The following CPT1A variants were observed in gnomAD, a reference collection of about 807,000 sequenced individuals.
CPT1A encodes the protein carnitine palmitoyltransferase 1A.
Under a neutral mutation model 100.8 loss-of-function variants are expected in CPT1A, and 64 were observed. The ratio of observed to expected loss-of-function variants is 0.63; its 90% CI spans 0.52 to 0.78. The LOEUF (loss-of-function observed/expected upper bound fraction) is 0.78, where lower values mean the gene tolerates loss of function less well. CPT1A is among the 30% of genes least tolerant of loss of function. The pLI, the probability that CPT1A is intolerant of heterozygous loss-of-function variation, is 0.00. For synonymous variants in CPT1A, 363 were observed against 396.0 expected, an observed-to-expected ratio of 0.92 and a Z score of 0.99; for missense variants, 802 against 1,034.1, an observed-to-expected ratio of 0.78 and a Z score of 3.08.
chr11:68,819,557 A>G (rs1307030932), intron 1 of CPT1A, among the ~76,000 whole-genome samples: 1 of 152,230 alleles, frequency 6.6e-6, no homozygotes, highest in East Asian at 1.9e-4. Context: ...GGCATTATTC[A>G]TGGCAGTGGA....
intron 3 of CPT1A, 120 bp downstream of exon 3, chr11:68,812,317 A>G: frequency 3.6e-6 from 5 of 1,383,588 alleles, no homozygotes; most frequent in Non-Finnish European, 5.1e-6. Context: ...ACGTGAGAAC[A>G]GCATCAGGAG....
In CPT1A at chr11:68,781,925, C is replaced by T; in HGVS notation, c.1198G>A (p.Gly400Arg). Reference sequence around the variant, plus strand: ...AGAGACTGCTTATTTTTCCCACGTCCAAAATAGGCCTGACGACACCTGGCC... The same window carrying T: ...AGAGACTGCTTATTTTTCCCACGTCTAAAATAGGCCTGACGACACCTGGCC... ...PWARCRQAYFGRGKNKQSLDA... is the reference protein window; with the variant it reads ...PWARCRQAYFRRGKNKQSLDA... The change falls in exon 11 of 19, where the codon GGA becomes AGA. Residue 400 changes from glycine to arginine, a missense_variant. Physicochemically the swap from Gly to Arg is moderately radical, Grantham distance 125. Transcript: ENST00000265641. The T allele has an allele frequency of 6.2e-7, 1 of 1,614,184 alleles. No homozygotes were observed. Among genetic ancestry groups the T allele is most frequent in the Non-Finnish European group, 8.5e-7 (1 of 1,180,026 alleles).
chr11:68,817,060 G>T (rs1175524841), intron 1 of CPT1A, among the ~76,000 whole-genome samples: 16 of 85,638 alleles, frequency 1.9e-4, no homozygotes, highest in Non-Finnish European at 3.3e-4. Flanking sequence ...TGTGTGGGGG[G>T]TGGGTGTGTG....
At chr11:68,829,903 C>T (rs941408070) in intron 1 of CPT1A, among the ~76,000 whole-genome samples, 26 of 152,178 alleles carry the variant, frequency 1.7e-4, no homozygotes, top group African/African-American at 4.8e-4. Flanking sequence ...ACTGAAAGTA[C>T]AGAAATCACT....
At chr11:68,775,700 C>T (rs896827545) in intron 12 of CPT1A, among the ~76,000 whole-genome samples, 26 of 152,320 alleles carry the variant, frequency 1.7e-4, no homozygotes, top group Admixed American at 4.6e-4. Flanking sequence ...ATTTATTCAA[C>T]GGTGTTTATT....
intron 1 of CPT1A, among the ~76,000 whole-genome samples, chr11:68,825,096 C>A (rs1327478309): frequency 1.3e-5 from 2 of 152,058 alleles, no homozygotes; most frequent in Admixed American, 6.6e-5. Context: ...CTAATTTTAT[C>A]TTTTATCATA....
intron 5 of CPT1A, among the ~76,000 whole-genome samples, chr11:68,800,588 C>CA (rs1855881306): frequency 6.6e-6 from 1 of 151,990 alleles, no homozygotes; most frequent in Non-Finnish European, 1.5e-5. Flanking sequence ...ATCACTTGGG[C>CA]CCAGGAGTTC....
At chr11:68,838,857 G>A (rs960910225) in intron 1 of CPT1A, among the ~76,000 whole-genome samples, 3 of 152,134 alleles carry the variant, frequency 2.0e-5, no homozygotes, top group African/African-American at 7.2e-5. Context: ...CGTGAGCCAC[G>A]GGGCCGGGCC....
At chr11:68,802,664 G>C (rs889589123) in intron 5 of CPT1A, among the ~76,000 whole-genome samples, 1 of 151,952 alleles carries the variant, frequency 6.6e-6, no homozygotes, top group African/African-American at 2.4e-5. Context: ...AACCCAGGAG[G>C]TGGAGCTTGC....
At chr11:68,768,799 T>C (rs776174637) in intron 14 of CPT1A, among the ~76,000 whole-genome samples, 2 of 152,208 alleles carry the variant, frequency 1.3e-5, no homozygotes, top group East Asian at 1.9e-4. Context: ...AAAGTTATTC[T>C]TCCCCGATGC....
intron 1 of CPT1A, among the ~76,000 whole-genome samples, chr11:68,837,865 A>G (rs1594383059): frequency 1.3e-5 from 2 of 152,274 alleles, no homozygotes; most frequent in South Asian, 4.1e-4. Flanking sequence ...ATGTTCTGTC[A>G]TTCCTTCAAC....
intron 14 of CPT1A, among the ~76,000 whole-genome samples, chr11:68,770,236 G>A (rs1854949729): frequency 6.6e-6 from 1 of 152,052 alleles, no homozygotes; most frequent in Admixed American, 6.6e-5. Context: ...TGGAAGGTGG[G>A]GCCCCAGATT....
chr11:68,839,351 GC>G (rs1015168318), intron 1 of CPT1A, among the ~76,000 whole-genome samples: 1 of 152,154 alleles, frequency 6.6e-6, no homozygotes, highest in African/African-American at 2.4e-5. Context: ...TTCGCGCCCC[GC>G]CCCTTCCCCC....
At chr11:68,793,290 G>A in intron 9 of CPT1A, 25 bp downstream of exon 9, 13 of 1,569,788 alleles carry the variant, frequency 8.3e-6, no homozygotes, top group South Asian at 1.1e-5. Flanking sequence ...GATTCTCCAG[G>A]GGGCCCTGAA....
intron 1 of CPT1A, among the ~76,000 whole-genome samples, chr11:68,828,926 A>T (rs1264362276): frequency 6.6e-6 from 1 of 152,056 alleles, no homozygotes; most frequent in Non-Finnish European, 1.5e-5. Context: ...CTTCTGAACT[A>T]GTAGGTGGCT....
rs189323327 is a variant in CPT1A at position 68,766,979 on chromosome 11, T to C, written c.1741-4218A>G. Among the ~76,000 whole-genome samples the C allele has an allele frequency of 1.9e-3, 285 of 152,288 alleles. 5 individuals carry two copies. The highest frequency in any genetic ancestry group is 0.018 in the Admixed American group (274 of 15,294). ...GGCTGTGCGGGCCAGGTGCTCTCTGTGGCGACTACTCCGCTCTCCCACTGG... is the reference window on the plus strand; with the variant it reads ...GGCTGTGCGGGCCAGGTGCTCTCTGCGGCGACTACTCCGCTCTCCCACTGG... On this transcript the variant is annotated intron_variant, in intron 14 of 18. Transcript: ENST00000265641.
intron 1 of CPT1A, among the ~76,000 whole-genome samples, chr11:68,825,763 C>T (rs1484935969): frequency 1.3e-5 from 2 of 152,200 alleles, no homozygotes; most frequent in East Asian, 1.9e-4. Context: ...TCCTGGCCCA[C>T]GCAGGGACTT....
intron 1 of CPT1A, among the ~76,000 whole-genome samples, chr11:68,824,794 C>CTGTT (rs576038397): frequency 1.7e-5 from 2 of 120,328 alleles, no homozygotes; most frequent in African/African-American, 6.4e-5. Context: ...GCAATTGTAT[C>CTGTT]TTTTTTTTTT....
upstream of CPT1A, among the ~76,000 whole-genome samples, chr11:68,843,710 A>AC (rs1299650348): frequency 6.6e-6 from 1 of 152,196 alleles, no homozygotes; most frequent in East Asian, 1.9e-4. The surrounding 1 kb of genome is among the most constrained non-coding windows in gnomAD (Gnocchi z 4.0). Context: ...TGTCTGGACC[A>AC]CCAGTGAGCC....
Sources: allele counts gnomAD v4.1 joint callset (sites outside exome capture counted in the v4.1 genomes callset), GRCh38; gene constraint gnomAD v4.1.1; non-coding constraint Gnocchi (gnomAD v3.1); transcripts MANE v1.5; gene names NCBI Gene and HGNC (gene_info 2026-07-23, HGNC 2026-07-21).